CFAP20DC: variants seen among roughly 807,000 people sequenced by gnomAD.
The protein encoded by CFAP20DC is protein CFAP20DC.
CFAP20DC carries 84 observed loss-of-function variants against 101.7 expected under a neutral mutation model. That is an observed-to-expected ratio of 0.83 (90% CI 0.69 to 0.99). The LOEUF is 0.99. Ranked by LOEUF, CFAP20DC falls within the 50% of genes least tolerant of loss-of-function variation. The pLI, the probability that CFAP20DC is intolerant of heterozygous loss-of-function variation, is 0.00. For synonymous variants in CFAP20DC, 359 were observed against 351.2 expected (o/e 1.02, Z -0.25); for missense variants, 1,007 against 970.3 (o/e 1.04, Z -0.50).
At chr3:59,005,131 A>G (rs1317552507) in intron 4 of CFAP20DC, among the ~76,000 whole-genome samples, 5 of 152,122 alleles carry the variant, frequency 3.3e-5, no homozygotes, top group Non-Finnish European at 5.9e-5. Context: ...GCTAATTCTG[A>G]GCCTAGATCT....
chr3:58,818,928 T>A (rs2075403445), intron 14 of CFAP20DC, among the ~76,000 whole-genome samples: 1 of 145,296 alleles, frequency 6.9e-6, no homozygotes, highest in South Asian at 2.3e-4. Context: ...GAACAGAAAT[T>A]ATAACAAACT....
intron 7 of CFAP20DC, among the ~76,000 whole-genome samples, chr3:58,876,806 T>A (rs1182245200): frequency 2.6e-5 from 4 of 152,176 alleles, no homozygotes; most frequent in Non-Finnish European, 5.9e-5. Flanking sequence ...AAGACTTACA[T>A]CTATTATCTA....
intron 4 of CFAP20DC, among the ~76,000 whole-genome samples, chr3:58,996,488 C>G (rs556286080): frequency 1.4e-4 from 22 of 152,296 alleles, no homozygotes; most frequent in African/African-American, 5.3e-4. Flanking sequence ...ATGACATACA[C>G]ACAACTTGAA....
chr3:58,910,008 G>C (rs1020357271), intron 6 of CFAP20DC, among the ~76,000 whole-genome samples: 4 of 152,090 alleles, frequency 2.6e-5, no homozygotes, highest in African/African-American at 9.7e-5. Context: ...TCCTGTGCTA[G>C]TTAGCTGAGG....
intron 5 of CFAP20DC, among the ~76,000 whole-genome samples, chr3:58,929,054 T>C (rs1219447030): frequency 6.6e-6 from 1 of 152,202 alleles, no homozygotes; most frequent in African/African-American, 2.4e-5. Context: ...AAATACTAAA[T>C]TGTTTATGTC....
Position 58,912,866 on chromosome 3 carries a change from T to C in CFAP20DC, c.550+842A>G, listed in dbSNP as rs2084294903. On this transcript the variant is annotated intron_variant, in intron 6 of 16. Transcript: ENST00000482387. This position sits in a 1 kb window ranked among gnomAD's most constrained non-coding sequence, Gnocchi z 4.4. The stretch of plus-strand genomic sequence containing the variant: ...CTTGATCACTAGAAAATTAATATGA[T>C]TTCTCCCAAATGACTTCCTGAAATG... 1 of 400,270 alleles carries C rather than the reference T, an allele frequency of 2.5e-6. No homozygotes were observed. The highest frequency in any genetic ancestry group is 3.0e-5 in the Admixed American group (1 of 33,388). The allele number at this position is 400,270 out of a possible 1,614,324, so 24.8% of individuals were successfully genotyped here. A position where few individuals can be genotyped will look rare whatever the true frequency, so the allele number is the denominator to read the frequency against.
Position 58,863,895 on chromosome 3 carries a change from G to T in CFAP20DC, c.1259-3C>A. The T allele has an allele frequency of 6.3e-7, 1 of 1,599,946 alleles. No homozygotes were observed. Among genetic ancestry groups the T allele is most frequent in the Non-Finnish European group, 8.5e-7 (1 of 1,172,874 alleles). On this transcript the variant is annotated splice_region_variant and splice_polypyrimidine_tract_variant and intron_variant, in intron 11 of 16. Coordinates refer to ENST00000482387, the MANE Select transcript of CFAP20DC (RefSeq NM_001394063.1). This position sits in a 1 kb window ranked among gnomAD's most constrained non-coding sequence, Gnocchi z 5.9. ...ATTTTCAGGAAAAATCCACTCATCT[G>T]ACAGTTGGAAAAGATGACAAAAATT... is the stretch of plus-strand genomic sequence containing the variant.
At chr3:59,004,048 T>C (rs995294385) in intron 4 of CFAP20DC, among the ~76,000 whole-genome samples, 10 of 152,180 alleles carry the variant, frequency 6.6e-5, no homozygotes, top group Non-Finnish European at 1.3e-4. Context: ...GGGCTTTTAC[T>C]GTAAATACTT....
chr3:58,775,623 A>C (rs899547843), intron 15 of CFAP20DC, among the ~76,000 whole-genome samples: 1 of 152,198 alleles, frequency 6.6e-6, no homozygotes, highest in Non-Finnish European at 1.5e-5. Context: ...GAGAAGGGTA[A>C]ACATGGTATA....
intron 15 of CFAP20DC, among the ~76,000 whole-genome samples, chr3:58,757,405 C>T (rs2069063436): frequency 6.6e-6 from 1 of 151,804 alleles, no homozygotes; most frequent in Admixed American, 6.6e-5. Context: ...TATGCATGTG[C>T]CATATATATG....
chr3:58,913,671 A>G lies in CFAP20DC; in HGVS notation c.550+37T>C. 1 of 1,604,762 alleles carries G rather than the reference A, an allele frequency of 6.2e-7. No homozygotes were observed. On this transcript the variant is annotated intron_variant, in intron 6 of 16. Coordinates refer to ENST00000482387, the MANE Select transcript of CFAP20DC (RefSeq NM_001394063.1). The surrounding 1 kb of genome is among the most constrained non-coding windows in gnomAD (Gnocchi z 4.4). ...GTATGGCTAATTTTAAAAATACATC[A>G]GAGAATTAAAAAATCTTGATAGCAA...
intron 4 of CFAP20DC, among the ~76,000 whole-genome samples, chr3:58,963,350 T>C (rs2091306764): frequency 6.6e-6 from 1 of 152,116 alleles, no homozygotes; most frequent in African/African-American, 2.4e-5. Flanking sequence ...GAAGATAATT[T>C]GCTGAGTTCC....
intron 14 of CFAP20DC, among the ~76,000 whole-genome samples, chr3:58,814,317 T>C (rs186134631): frequency 6.6e-6 from 1 of 152,022 alleles, no homozygotes; most frequent in Non-Finnish European, 1.5e-5. Flanking sequence ...TGCTTTAGAC[T>C]AAAAACTCTC....
At chr3:59,027,494 C>G (rs1378665368) in intron 4 of CFAP20DC, among the ~76,000 whole-genome samples, 1 of 152,084 alleles carries the variant, frequency 6.6e-6, no homozygotes, top group Non-Finnish European at 1.5e-5. Flanking sequence ...ACTTGCTGAG[C>G]TGCATGAAAA....
chr3:58,864,004 C>A lies in CFAP20DC; in HGVS notation c.1259-112G>T. ...AGACAGTCTCACTCTGCCGCCTAGG[C>A]TGCAGTGCAGTCACGCGATCTCGGC... is the stretch of plus-strand genomic sequence containing the variant. On this transcript the variant is annotated intron_variant, in intron 11 of 16. Transcript: ENST00000482387. This position sits in a 1 kb window ranked among gnomAD's most constrained non-coding sequence, Gnocchi z 4.7. 9.4e-7 allele frequency: 1 copy of A among 1,065,436 alleles called. No individual in the cohort carries two copies. Among genetic ancestry groups the A allele is most frequent in the Non-Finnish European group, 1.3e-6 (1 of 766,852 alleles). 66.0% of individuals were successfully genotyped at this position (1,065,436 alleles called of 1,614,324 possible).
At chr3:58,885,898 G>A (rs1357357366) in intron 6 of CFAP20DC, among the ~76,000 whole-genome samples, 4 of 151,904 alleles carry the variant, frequency 2.6e-5, no homozygotes, top group Admixed American at 2.6e-4. Context: ...CAGCTATTAT[G>A]AATAGTGCTG....
rs2072594762 is a variant in CFAP20DC at position 58,788,703 on chromosome 3, C to G, written c.2237+17692G>C. ...GCACTAATCTAGTATATAAATTGCACAGTTTTTAATCTCAGCTTAAACTTC... is the reference window on the plus strand; with the variant it reads ...GCACTAATCTAGTATATAAATTGCAGAGTTTTTAATCTCAGCTTAAACTTC... On this transcript the variant is annotated intron_variant, in intron 15 of 16. Transcript: ENST00000482387. The surrounding 1 kb of genome is among the most constrained non-coding windows in gnomAD (Gnocchi z 4.2). Among the ~76,000 whole-genome samples, 1 of 152,088 alleles carries G rather than the reference C, an allele frequency of 6.6e-6. No individual in the cohort carries two copies. The highest frequency in any genetic ancestry group is 1.5e-5 in the Non-Finnish European group (1 of 68,022).
chr3:58,848,983 A>G (rs1204820271), intron 13 of CFAP20DC, 49 bp downstream of exon 13: 3 of 1,508,980 alleles, frequency 2.0e-6, no homozygotes, highest in South Asian at 2.5e-5. Flanking sequence ...AGAACGGAAC[A>G]CAGCAGGATG....
At chr3:58,739,372 C>A (rs1452495032), downstream of CFAP20DC, among the ~76,000 whole-genome samples, 1 of 152,184 alleles carries the variant, frequency 6.6e-6, no homozygotes, top group African/African-American at 2.4e-5. Flanking sequence ...CAAACTGATA[C>A]CAAATTATCT....
Sources: gnomAD v4.1 joint callset for allele counts (sites outside exome capture counted in the v4.1 genomes callset) on GRCh38, gnomAD v4.1.1 for gene constraint, Gnocchi (gnomAD v3.1) non-coding constraint, MANE v1.5 for transcripts, NCBI Gene and HGNC (gene_info 2026-07-23, HGNC 2026-07-21) for gene names.